The following GRIK4 variants were observed in gnomAD, a reference collection of about 807,000 sequenced individuals.
GRIK4 encodes glutamate ionotropic receptor kainate type subunit 4.
GRIK4 carries 40 observed loss-of-function variants against 104.9 expected under a neutral mutation model. The ratio of observed to expected loss-of-function variants is 0.38; its 90% CI spans 0.30 to 0.50. GRIK4 has a LOEUF of 0.50. Ranked by LOEUF, GRIK4 falls within the 20% of genes least tolerant of loss-of-function variation. The probability of loss-of-function intolerance (pLI) is 0.93; values close to 1 mark genes in which losing one functional copy is unlikely to be tolerated. For missense variants in GRIK4, 1,047 were observed against 1,308.1 expected, an observed-to-expected ratio of 0.80 and a Z score of 3.08; for synonymous variants, 485 against 524.9, an observed-to-expected ratio of 0.92 and a Z score of 1.04.
intron 3 of GRIK4, among the ~76,000 whole-genome samples, chr11:120,736,601 G>A (rs1951225977): frequency 6.6e-6 from 1 of 152,164 alleles, no homozygotes; most frequent in Non-Finnish European, 1.5e-5. Context: ...TAAAGCAAAT[G>A]AATAATTAGA....
At chr11:120,742,378 T>C (rs1453091810) in intron 3 of GRIK4, among the ~76,000 whole-genome samples, 1 of 147,038 alleles carries the variant, frequency 6.8e-6, no homozygotes, top group Non-Finnish European at 1.5e-5. Flanking sequence ...GCAAAGGACA[T>C]GGACACTTCA....
chr11:120,916,911 T>C (rs1424363469), intron 13 of GRIK4, among the ~76,000 whole-genome samples: 1 of 151,894 alleles, frequency 6.6e-6, no homozygotes, highest in Non-Finnish European at 1.5e-5. Flanking sequence ...CCCTAGGGAG[T>C]GCTTCCTTCA....
chr11:120,896,814 G>A (rs906232272), intron 11 of GRIK4, among the ~76,000 whole-genome samples: 62 of 152,330 alleles, frequency 4.1e-4, no homozygotes, highest in African/African-American at 1.3e-3. Context: ...AACTTGTGTG[G>A]GTCTTCCAGG....
In GRIK4 at chr11:120,986,755, TTTC is replaced by T; in HGVS notation, c.*501_*503del. On this transcript the variant is annotated 3_prime_UTR_variant, in exon 21 of 21. Coordinates refer to ENST00000527524, the MANE Select transcript of GRIK4 (RefSeq NM_014619.5). ...TTTCCCTTTTCTTTCCTCCTCTCCT[TTTC>T]TTCTTTGTCATCTTCTCAGTCCTGT... 1 of 152,610 alleles carries T rather than the reference TTTC, an allele frequency of 6.6e-6. No individual in the cohort carries two copies. The highest frequency in any genetic ancestry group is 1.9e-4 in the East Asian group (1 of 5,194). 9.5% of individuals were successfully genotyped at this position (152,610 alleles called of 1,614,324 possible). A position where few individuals can be genotyped will look rare whatever the true frequency, so the allele number is the denominator to read the frequency against.
At position 120,901,930 on chromosome 11, in the gene GRIK4, C is replaced by T. The variant is rs1157269630; in HGVS notation, c.1272+3291C>T. ...CACTGGTGTGTGAGGTGACATTTAA[C>T]AACATGGTAAGTACAACTCAAACAA... On this transcript the variant is annotated intron_variant, in intron 12 of 20. Coordinates refer to ENST00000527524, the MANE Select transcript of GRIK4 (RefSeq NM_014619.5). Among the ~76,000 whole-genome samples the T allele has an allele frequency of 8.7e-4, 133 of 152,188 alleles. 2 individuals are homozygous for T. The highest frequency in any genetic ancestry group is 1.8e-4 in the Non-Finnish European group (12 of 68,032).
intron 1 of GRIK4, among the ~76,000 whole-genome samples, chr11:120,536,623 C>T (rs577588602): frequency 2.0e-4 from 31 of 152,240 alleles, no homozygotes; most frequent in African/African-American, 6.7e-4. Flanking sequence ...CAGAGGGTGT[C>T]GTCCTTGGGC....
chr11:120,807,487 C>T (rs1952738116), intron 4 of GRIK4, among the ~76,000 whole-genome samples: 1 of 152,164 alleles, frequency 6.6e-6, no homozygotes, highest in South Asian at 2.1e-4. Context: ...CCTGTGGCTC[C>T]AGTGCCCGGC....
chr11:120,954,425 A>G (rs192844837), intron 15 of GRIK4, among the ~76,000 whole-genome samples: 1 of 149,744 alleles, frequency 6.7e-6, no homozygotes, highest in East Asian at 2.0e-4. Flanking sequence ...GCTGTCTGAC[A>G]CCTCCCCTCT....
chr11:120,801,031 C>T (rs1256703634), intron 3 of GRIK4, among the ~76,000 whole-genome samples: 19 of 152,140 alleles, frequency 1.2e-4, no homozygotes, highest in Non-Finnish European at 4.4e-5. Flanking sequence ...CAACTATTAT[C>T]ACAATTTTAG....
At chr11:120,784,315 T>C (rs2852221) in intron 3 of GRIK4, among the ~76,000 whole-genome samples, 21,132 of 152,198 alleles carry the variant, frequency 0.14, 2,819 homozygotes, top group African/African-American at 0.35. Flanking sequence ...CCATTACTTG[T>C]GCTTTGATCT....
Position 120,952,491 on chromosome 11 carries a change from A to T in GRIK4, c.1591-364A>T, listed in dbSNP as rs1019944046. Among the ~76,000 whole-genome samples the T allele has an allele frequency of 3.9e-5, 6 of 152,104 alleles. No individual in the cohort carries two copies. Among genetic ancestry groups the T allele is most frequent in the Admixed American group, 3.9e-4 (6 of 15,282 alleles). ...GCTGTGGTCGAATTCAGCAATGCAG[A>T]CAGCAGCAGCTCAAAGGTGCTTCCT... On this transcript the variant is annotated intron_variant, in intron 14 of 20. Coordinates refer to ENST00000527524, the MANE Select transcript of GRIK4 (RefSeq NM_014619.5). The surrounding 1 kb of genome is among the most constrained non-coding windows in gnomAD (Gnocchi z 5.2).
chr11:120,722,563 G>A (rs992050619), intron 3 of GRIK4, among the ~76,000 whole-genome samples: 3 of 151,826 alleles, frequency 2.0e-5, no homozygotes, highest in Non-Finnish European at 2.9e-5. Flanking sequence ...AGCTGAGATC[G>A]TGCCATTGTA....
chr11:120,959,840 G>A (rs1473965235), intron 16 of GRIK4, among the ~76,000 whole-genome samples: 1 of 152,186 alleles, frequency 6.6e-6, no homozygotes, highest in Admixed American at 6.5e-5. Flanking sequence ...AAGATGTTCT[G>A]TTGTTACAAT....
chr11:120,877,112 C>G (rs1272711640), intron 11 of GRIK4, among the ~76,000 whole-genome samples: 1 of 152,214 alleles, frequency 6.6e-6, no homozygotes, highest in African/African-American at 2.4e-5. Flanking sequence ...GCTGCTGACT[C>G]TCAGAAAGGC....
intron 13 of GRIK4, among the ~76,000 whole-genome samples, chr11:120,917,848 C>A (rs1943145313): frequency 6.6e-6 from 1 of 152,160 alleles, no homozygotes; most frequent in Non-Finnish European, 1.5e-5. Context: ...TTCCACCTTC[C>A]CCACTGAGCG....
chr11:120,780,275 T>A (rs1280888264), intron 3 of GRIK4, among the ~76,000 whole-genome samples: 1 of 152,234 alleles, frequency 6.6e-6, no homozygotes, highest in East Asian at 1.9e-4. Flanking sequence ...CCAGAATTCT[T>A]TTTGTCTTGC....
chr11:120,573,323 G>T (rs1282641158), intron 1 of GRIK4, among the ~76,000 whole-genome samples: 1 of 152,222 alleles, frequency 6.6e-6, no homozygotes, highest in African/African-American at 2.4e-5. Context: ...TGCTAAAGAT[G>T]TTTAATCAGA....
At chr11:120,829,552 G>A (rs1440776075) in intron 6 of GRIK4, among the ~76,000 whole-genome samples, 1 of 152,212 alleles carries the variant, frequency 6.6e-6, no homozygotes, top group Non-Finnish European at 1.5e-5. Flanking sequence ...GGACATGCCA[G>A]AGACTGTTGG....
chr11:120,954,803 A>ACG (rs1944098624), intron 15 of GRIK4, among the ~76,000 whole-genome samples: 1 of 49,526 alleles, frequency 2.0e-5, no homozygotes, highest in Non-Finnish European at 4.2e-5. Flanking sequence ...ACACACACAC[A>ACG]CACACACACA....
Sources: allele counts gnomAD v4.1 joint callset (sites outside exome capture counted in the v4.1 genomes callset), GRCh38; gene constraint gnomAD v4.1.1; non-coding constraint Gnocchi (gnomAD v3.1); transcripts MANE v1.5; gene names NCBI Gene and HGNC (gene_info 2026-07-23, HGNC 2026-07-21).